Variants in CDIN1 observed in about 807,000 individuals in gnomAD.
CDIN1 encodes CDAN1 interacting nuclease 1.
In CDIN1, 33 loss-of-function variants were observed where a neutral mutation model predicts 45.3. That is an observed-to-expected ratio of 0.73 (90% CI 0.55 to 0.97). The LOEUF is 0.97. Among genes scored for constraint, CDIN1 ranks in the 50% least tolerant of loss-of-function variants. The pLI, the probability that CDIN1 is intolerant of heterozygous loss-of-function variation, is 0.00. For missense variants in CDIN1, 303 were observed against 339.4 expected, an observed-to-expected ratio of 0.89 and a Z score of 0.84; for synonymous variants, 118 against 124.4, an observed-to-expected ratio of 0.95 and a Z score of 0.34.
At chr15:36,660,090 G>A (rs1482434265) in intron 5 of CDIN1, among the ~76,000 whole-genome samples, 5 of 149,196 alleles carry the variant, frequency 3.4e-5, no homozygotes, top group Non-Finnish European at 4.4e-5. Flanking sequence ...ACATGGCTCC[G>A]CAGTCAAATC....
At position 36,722,551 on chromosome 15, in the gene CDIN1, C is replaced by T. The variant is rs911148734; in HGVS notation, c.716+12590C>T. On this transcript the variant is annotated intron_variant, in intron 10 of 10. Coordinates refer to ENST00000566621, the MANE Select transcript of CDIN1 (RefSeq NM_001321759.2). ...TTATGCCTCTTGGATTAAAATAAAG[C>T]AGGCCATATTTTGGTGAGACAGAGC... Among the ~76,000 whole-genome samples the T allele has an allele frequency of 2.6e-5, 4 of 152,168 alleles. No homozygotes were observed. In the East Asian group the frequency reaches 7.7e-4, roughly 29 times the overall value.
Position 36,654,092 on chromosome 15 carries a change from G to T in CDIN1, c.213-6G>T, listed in dbSNP as rs1158661706. On this transcript the variant is annotated splice_region_variant and splice_polypyrimidine_tract_variant and intron_variant, in intron 3 of 10. Coordinates refer to ENST00000566621, the MANE Select transcript of CDIN1 (RefSeq NM_001321759.2). ...CTGCATTACCACTTGGCTTTGTCTT[G>T]TCTAGGTACCTGAATGGAGTGGTGA... The T allele has an allele frequency of 6.4e-7, 1 of 1,573,784 alleles. No homozygotes were observed. Among genetic ancestry groups the T allele is most frequent in the Non-Finnish European group, 8.6e-7 (1 of 1,157,176 alleles).
At chr15:36,644,978 C>G (rs1286932026) in intron 2 of CDIN1, among the ~76,000 whole-genome samples, 3 of 152,112 alleles carry the variant, frequency 2.0e-5, no homozygotes, top group African/African-American at 7.2e-5. Context: ...ACCCTGTTGG[C>G]TTTTACATAT....
At chr15:36,757,854 T>C (rs934903410) in intron 10 of CDIN1, among the ~76,000 whole-genome samples, 2 of 152,066 alleles carry the variant, frequency 1.3e-5, no homozygotes, top group Non-Finnish European at 1.5e-5. Flanking sequence ...CATTTTATCA[T>C]CTCAAATCAT....
At chr15:36,699,070 A>G (rs758637136) in intron 8 of CDIN1, among the ~76,000 whole-genome samples, 27 of 152,158 alleles carry the variant, frequency 1.8e-4, no homozygotes, top group Non-Finnish European at 2.9e-4. Context: ...AGAGGTAATT[A>G]TTTTATGGAA....
At chr15:36,674,285 G>A (rs561194686) in intron 5 of CDIN1, among the ~76,000 whole-genome samples, 19 of 152,048 alleles carry the variant, frequency 1.2e-4, no homozygotes, top group Non-Finnish European at 2.2e-4. Flanking sequence ...ATTTATTAGC[G>A]CGGGGGTCTC....
intron 5 of CDIN1, among the ~76,000 whole-genome samples, chr15:36,673,882 C>T (rs1595453570): frequency 6.6e-6 from 1 of 152,102 alleles, no homozygotes; most frequent in South Asian, 2.1e-4. Flanking sequence ...TTCAGAAACA[C>T]ACACTGTAAA....
At chr15:36,674,029 C>T (rs1168174365) in intron 5 of CDIN1, among the ~76,000 whole-genome samples, 1 of 152,062 alleles carries the variant, frequency 6.6e-6, no homozygotes, top group Non-Finnish European at 1.5e-5. Context: ...TCACATTCCT[C>T]TTTTGAAAAA....
chr15:36,631,720 G>A (rs777436175), intron 1 of CDIN1, among the ~76,000 whole-genome samples: 3 of 152,188 alleles, frequency 2.0e-5, no homozygotes, highest in Admixed American at 6.5e-5. Flanking sequence ...GAGCATTTGT[G>A]TATAGACTTT....
At chr15:36,778,202 G>A (rs1009238955) in intron 10 of CDIN1, among the ~76,000 whole-genome samples, 1 of 152,160 alleles carries the variant, frequency 6.6e-6, no homozygotes, top group Non-Finnish European at 1.5e-5. Context: ...ACGCACTGCT[G>A]TTAGGAAGTC....
At chr15:36,743,980 T>G (rs867552850) in intron 10 of CDIN1, among the ~76,000 whole-genome samples, 766 of 22,214 alleles carry the variant, frequency 0.034, 14 homozygotes, top group African/African-American at 0.12. Context: ...TTTTTTGTCT[T>G]TTTTTTTTTT....
chr15:36,776,995 CA>C (rs1421433482), intron 10 of CDIN1, among the ~76,000 whole-genome samples: 1 of 151,958 alleles, frequency 6.6e-6, no homozygotes, highest in Non-Finnish European at 1.5e-5. Flanking sequence ...CTTTTTGTCC[CA>C]ATATTTTTGA....
At chr15:36,622,733 A>G (rs2039252851) in intron 1 of CDIN1, among the ~76,000 whole-genome samples, 1 of 152,218 alleles carries the variant, frequency 6.6e-6, no homozygotes, top group Admixed American at 6.5e-5. Context: ...AGTCATGGGC[A>G]GACCCCAGGG....
At chr15:36,732,294 G>A (rs1251110221) in intron 10 of CDIN1, among the ~76,000 whole-genome samples, 1 of 151,988 alleles carries the variant, frequency 6.6e-6, no homozygotes, top group Non-Finnish European at 1.5e-5. Context: ...AATTTACAGG[G>A]AAAGGGAGGA....
At chr15:36,618,447 C>T (rs761039360) in intron 1 of CDIN1, 100 of 891,416 alleles carry the variant, frequency 1.1e-4, no homozygotes, top group Non-Finnish European at 1.5e-4. Context: ...TCGAAGATGA[C>T]GACAAGATGT....
intron 1 of CDIN1, chr15:36,640,752 C>G (rs888217452): frequency 5.2e-6 from 3 of 572,308 alleles, no homozygotes; most frequent in Admixed American, 1.3e-4. Context: ...CAGCTCTCCT[C>G]TTAATCTGTG....
At chr15:36,604,909 A>G (rs974569585) in intron 1 of CDIN1, among the ~76,000 whole-genome samples, 1 of 152,188 alleles carries the variant, frequency 6.6e-6, no homozygotes, top group Admixed American at 6.5e-5. Context: ...GTTTTCTGAC[A>G]TAGAAAATAT....
rs77668785 is a variant in CDIN1, at chr15:36,675,689, T to A, written c.347-15996T>A. Among the ~76,000 whole-genome samples the A allele has an allele frequency of 0.015, 2,260 of 152,292 alleles. 235 individuals are homozygous for A. The East Asian group carries it at 0.3, about 21-fold the overall frequency. On this transcript the variant is annotated intron_variant, in intron 5 of 10. Transcript: ENST00000566621. Reference sequence around the variant, plus strand: ...TTAACATCCGCATCATTTAATGATATACGGATTTTAATTATATAGTACACT... The same window carrying A: ...TTAACATCCGCATCATTTAATGATAAACGGATTTTAATTATATAGTACACT...
chr15:36,748,736 A>G (rs2053368602), intron 10 of CDIN1, among the ~76,000 whole-genome samples: 1 of 152,214 alleles, frequency 6.6e-6, no homozygotes, highest in Non-Finnish European at 1.5e-5. Context: ...TTTCAAAGCA[A>G]AAGTGCATTT....
Sources: gnomAD v4.1 joint callset for allele counts (sites outside exome capture counted in the v4.1 genomes callset) on GRCh38, gnomAD v4.1.1 for gene constraint, MANE v1.5 for transcripts, NCBI Gene and HGNC (gene_info 2026-07-23, HGNC 2026-07-21) for gene names.